DENND4C: variants seen among roughly 807,000 people sequenced by gnomAD.
DENND4C encodes DENN domain containing 4C.
A neutral mutation model predicts 203.0 loss-of-function variants in DENND4C; 108 were observed. That is an observed-to-expected ratio of 0.53 (90% CI 0.46 to 0.62). The LOEUF is 0.62. Among genes scored for constraint, DENND4C ranks in the 20% least tolerant of loss-of-function variants. The pLI is 0.00. For synonymous variants in DENND4C, 871 were observed against 792.4 expected (o/e 1.10, Z -1.67); for missense variants, 2,481 against 2,301.2 (o/e 1.08, Z -1.60).
intron 2 of DENND4C, among the ~76,000 whole-genome samples, chr9:19,278,647 A>C (rs2130950416): frequency 6.6e-6 from 1 of 152,338 alleles, no homozygotes; most frequent in East Asian, 1.9e-4. Flanking sequence ...AATTTTTAAA[A>C]CCAAAGGATG....
At chr9:19,350,990 T>G in intron 24 of DENND4C, 111 bp downstream of exon 24, 1 of 1,125,034 alleles carries the variant, frequency 8.9e-7, no homozygotes, top group Non-Finnish European at 1.2e-6. Flanking sequence ...CTCGAACTCC[T>G]GGGCTCAAGC....
Position 19,360,346 on chromosome 9 carries a change from G to T in DENND4C, c.5263G>T (p.Asp1755Tyr). The change falls in exon 29 of 33, where the codon GAT becomes TAT. Residue 1755 changes from aspartate (D) to tyrosine (Y), a missense_variant. Asp to Tyr is a radical substitution (Grantham distance 160). Around this residue, in one of 3 missense-constraint regions of DENND4C, gnomAD observed 2,289 missense variants for 2,113.3 expected, o/e 1.08. Coordinates refer to ENST00000434457, the MANE Select transcript of DENND4C (RefSeq NM_001330640.2). ...ELESLLENEGDQVIHTSSFIN... is the reference protein window; with the variant it reads ...ELESLLENEGYQVIHTSSFIN... Reference sequence around the variant, plus strand: ...TGAATCTTTGCTAGAAAATGAAGGTGATCAGGTGATTCATACATCTTCTTT... The same window carrying T: ...TGAATCTTTGCTAGAAAATGAAGGTTATCAGGTGATTCATACATCTTCTTT... 1 of 1,614,088 alleles carries T rather than the reference G, an allele frequency of 6.2e-7. No homozygotes were observed. The highest frequency in any genetic ancestry group is 1.7e-5 in the Admixed American group (1 of 60,018).
intron 2 of DENND4C, among the ~76,000 whole-genome samples, chr9:19,278,913 A>T (rs773555285): frequency 4.6e-5 from 7 of 152,112 alleles, no homozygotes; most frequent in Non-Finnish European, 1.0e-4. Context: ...AAGATAGTTA[A>T]GGGCCTAACT....
At chr9:19,269,236 C>T (rs537503015) in intron 1 of DENND4C, among the ~76,000 whole-genome samples, 1 of 152,116 alleles carries the variant, frequency 6.6e-6, no homozygotes, top group African/African-American at 2.4e-5. Flanking sequence ...GATCTTAGCT[C>T]ACTGCAACCT....
intron 1 of DENND4C, among the ~76,000 whole-genome samples, chr9:19,261,450 CTT>C (rs34512237): frequency 6.3e-5 from 9 of 143,032 alleles, no homozygotes; most frequent in African/African-American, 2.1e-4. Context: ...GTAGTATGGA[CTT>C]TTTTTTTTTT....
intron 12 of DENND4C, among the ~76,000 whole-genome samples, chr9:19,319,377 C>CATATATAT (rs1243101317): frequency 6.4e-5 from 7 of 109,852 alleles, no homozygotes; most frequent in African/African-American, 2.3e-4. Context: ...TATATATACA[C>CATATATAT]ATACATATAT....
Position 19,347,027 on chromosome 9 carries a change from A to G in DENND4C, c.4258A>G (p.Thr1420Ala), listed in dbSNP as rs1471778161. Reference protein sequence around the residue: ...VLKSGMKQAATVASKMWVAVA... With the variant: ...VLKSGMKQAAAVASKMWVAVA... The stretch of plus-strand genomic sequence containing the variant: ...GAAATCTGGTATGAAACAAGCAGCG[A>G]CAGTAGCCAGTAAGATGTGGGTAGC... The change falls in exon 23 of 33, where the codon ACA becomes GCA. Residue 1420 changes from threonine to alanine, a missense_variant. By Grantham distance (58) the Thr-to-Ala change is moderately conservative. This residue lies in a region of DENND4C where 2,289 missense variants were observed against 2,113.3 expected (regional missense o/e 1.08). Coordinates refer to ENST00000434457, the MANE Select transcript of DENND4C (RefSeq NM_001330640.2). The G allele has an allele frequency of 6.2e-7, 1 of 1,614,130 alleles. No individual in the cohort carries two copies.
intron 2 of DENND4C, among the ~76,000 whole-genome samples, chr9:19,280,308 A>C (rs567562591): frequency 6.6e-6 from 1 of 151,908 alleles, no homozygotes; most frequent in South Asian, 2.1e-4. Context: ...CACCACGCCC[A>C]GCTAACTTTT....
At chr9:19,249,291 C>A (rs1474934775) in intron 1 of DENND4C, among the ~76,000 whole-genome samples, 1 of 149,978 alleles carries the variant, frequency 6.7e-6, no homozygotes, top group East Asian at 2.0e-4. Flanking sequence ...TCGCTCTTAT[C>A]CCCCAGGCTG....
At chr9:19,319,607 A>G (rs995784910) in intron 12 of DENND4C, among the ~76,000 whole-genome samples, 2 of 151,678 alleles carry the variant, frequency 1.3e-5, no homozygotes, top group Non-Finnish European at 2.9e-5. Context: ...GTGGGTAATT[A>G]TAAATGCCAG....
intron 9 of DENND4C, 89 bp downstream of exon 9, chr9:19,300,420 A>C: frequency 8.1e-7 from 1 of 1,232,128 alleles, no homozygotes; most frequent in Non-Finnish European, 1.1e-6. Context: ...CAACTTTGTA[A>C]ACAACAACAA....
At chr9:19,371,684 A>G in intron 31 of DENND4C, 72 bp from the exon 32 acceptor site, 1 of 762,064 alleles carries the variant, frequency 1.3e-6, no homozygotes. Flanking sequence ...TAATGTCTTC[A>G]CCATTAAAAA....
intron 2 of DENND4C, among the ~76,000 whole-genome samples, chr9:19,286,568 G>C (rs1013221444): frequency 6.6e-6 from 1 of 152,062 alleles, no homozygotes; most frequent in East Asian, 1.9e-4. Context: ...AAATAGTTTA[G>C]AGACTTGTAG....
chr9:19,304,172 A>C (rs2131360847), intron 9 of DENND4C, among the ~76,000 whole-genome samples: 1 of 143,238 alleles, frequency 7.0e-6, no homozygotes, highest in South Asian at 2.3e-4. Context: ...GTCTAGATAG[A>C]GGAATATTTT....
chr9:19,352,329 T>G, intron 25 of DENND4C, 147 bp downstream of exon 25: 1 of 1,016,858 alleles, frequency 9.8e-7, no homozygotes, highest in Non-Finnish European at 1.4e-6. Context: ...CTTATGTAAG[T>G]AAGACATTGA....
At chr9:19,313,023 G>C (rs796637348) in intron 10 of DENND4C, among the ~76,000 whole-genome samples, 19 of 152,010 alleles carry the variant, frequency 1.2e-4, no homozygotes, top group African/African-American at 4.3e-4. Context: ...GAACATTTCT[G>C]TCTTATTTTG....
At chr9:19,278,065 CT>C (rs1024436276) in intron 2 of DENND4C, among the ~76,000 whole-genome samples, 6 of 117,350 alleles carry the variant, frequency 5.1e-5, no homozygotes, top group Non-Finnish European at 6.8e-5. Flanking sequence ...TTCATGAAGC[CT>C]TTTTTTTCTT....
At chr9:19,307,957 T>TTA (rs1048859553) in intron 10 of DENND4C, among the ~76,000 whole-genome samples, 8 of 151,768 alleles carry the variant, frequency 5.3e-5, no homozygotes, top group Admixed American at 1.3e-4. Flanking sequence ...CAAACATTTA[T>TTA]TATATATATA....
chr9:19,357,064 G>A lies in DENND4C; in HGVS notation c.4874G>A (p.Ser1625Asn), dbSNP rs1310234917. The A allele has an allele frequency of 1.9e-6, 3 of 1,613,962 alleles. No individual in the cohort carries two copies. The highest frequency in any genetic ancestry group is 3.3e-5 in the Admixed American group (2 of 60,008). ...NESLEHKPVS[S>N]LAEPDLINFM... The stretch of plus-strand genomic sequence containing the variant: ...TCCTTGGAGCACAAACCTGTATCCA[G>A]TTTAGCAGAACCTGACTTGATCAAC... The change falls in exon 27 of 33, where the codon AGT becomes AAT. Residue 1625 changes from serine (S) to asparagine (N), a missense_variant. Transcript: ENST00000434457.
Sources: gnomAD v4.1 joint callset for allele counts (sites outside exome capture counted in the v4.1 genomes callset) on GRCh38, gnomAD v4.1.1 for gene constraint, gnomAD v4.1.1 regional missense constraint, MANE v1.5 for transcripts, NCBI Gene and HGNC (gene_info 2026-07-23, HGNC 2026-07-21) for gene names.